Variants in ABI1 observed in about 807,000 individuals in gnomAD.
The protein encoded by ABI1 is Abelson interactor 1.
A neutral mutation model predicts 54.6 loss-of-function variants in ABI1; 14 were observed. The ratio of observed to expected loss-of-function variants is 0.26; its 90% CI spans 0.17 to 0.40. The LOEUF (loss-of-function observed/expected upper bound fraction) is 0.40, where lower values mean the gene tolerates loss of function less well. ABI1 is among the 10% of genes least tolerant of loss of function. The pLI is 1.00. For synonymous variants in ABI1, 194 were observed against 209.3 expected (o/e 0.93, Z 0.63); for missense variants, 443 against 598.3 (o/e 0.74, Z 2.71).
chr10:26,808,621 GCTGAGGCAGGAGAAT>G (rs2047024676), intron 2 of ABI1, among the ~76,000 whole-genome samples: 1 of 151,986 alleles, frequency 6.6e-6, no homozygotes, highest in Non-Finnish European at 1.5e-5. Flanking sequence ...TACTCAGGAG[GCTGAGGCAGGAGAAT>G]CGCTTGAACG....
At chr10:26,783,797 G>A (rs1353817684) in intron 2 of ABI1, among the ~76,000 whole-genome samples, 2 of 152,128 alleles carry the variant, frequency 1.3e-5, no homozygotes, top group Non-Finnish European at 2.9e-5. Flanking sequence ...AAATAATAAT[G>A]ACCACTTAGT....
At chr10:26,816,624 C>G (rs1219475176) in intron 2 of ABI1, among the ~76,000 whole-genome samples, 2 of 152,188 alleles carry the variant, frequency 1.3e-5, no homozygotes, top group Non-Finnish European at 2.9e-5. Context: ...ATTCAAACTA[C>G]TTTCTTAAGA....
chr10:26,832,304 C>T (rs529326308), intron 1 of ABI1, among the ~76,000 whole-genome samples: 142 of 152,176 alleles, frequency 9.3e-4, no homozygotes, highest in African/African-American at 2.9e-3. Flanking sequence ...GTATGTTGGC[C>T]GGGCGCAGTG....
chr10:26,841,527 G>A (rs1299882437), intron 1 of ABI1, among the ~76,000 whole-genome samples: 1 of 150,856 alleles, frequency 6.6e-6, no homozygotes, highest in Non-Finnish European at 1.5e-5. Context: ...TTACACATTA[G>A]ATCTCTAGGC....
Position 26,777,114 on chromosome 10 carries a change from C to T in ABI1, c.413G>A (p.Arg138Gln), listed in dbSNP as rs372110872. 6 of 1,613,442 alleles carry T rather than the reference C, an allele frequency of 3.7e-6. No individual in the cohort carries two copies. The highest frequency in any genetic ancestry group is 2.2e-5 in the South Asian group (2 of 90,912). ...ANMERPVRYI[R>Q]KPIDYTVLDD... ...CAGAACTGTGTAATCGATAGGTTTC[C>T]GAATATACCTTACAGGGCGCTCCAT... The change falls in exon 3 of 11, where the codon CGG becomes CAG. Residue 138 changes from arginine to glutamine, a missense_variant. Arg to Gln is a conservative substitution (Grantham distance 43). This residue lies in a region of ABI1 where 394 missense variants were observed against 484.8 expected (regional missense o/e 0.81). Transcript: ENST00000376140.
In ABI1 at chr10:26,751,796, A is replaced by G. The variant is rs377604542; in HGVS notation, c.1085-13T>C. 23 of 1,589,708 alleles carry G rather than the reference A, an allele frequency of 1.4e-5. No individual in the cohort carries two copies. Among genetic ancestry groups the G allele is most frequent in the East Asian group, 2.2e-5 (1 of 44,506 alleles). On this transcript the variant is annotated splice_polypyrimidine_tract_variant and intron_variant, in intron 9 of 10. Transcript: ENST00000376140. ...GGACTATCAGCAACTAAAAAGATTC[A>G]TATGATTGATTTGAATCAAAAATAA...
At chr10:26,795,218 A>G (rs1268784104) in intron 2 of ABI1, among the ~76,000 whole-genome samples, 2 of 152,150 alleles carry the variant, frequency 1.3e-5, no homozygotes, top group South Asian at 4.1e-4. Context: ...TAGAGATTAA[A>G]TATGCCAAAA....
chr10:26,821,444 A>G (rs1588981786), intron 2 of ABI1, among the ~76,000 whole-genome samples: 1 of 152,158 alleles, frequency 6.6e-6, no homozygotes, highest in East Asian at 1.9e-4. Context: ...AGATGACACC[A>G]ATTACCAATA....
At position 26,823,249 on chromosome 10, in the gene ABI1, T is replaced by C. The variant is rs148992222; in HGVS notation, c.174A>G (p.Leu58=). The C allele has an allele frequency of 1.1e-4, 178 of 1,604,028 alleles. No homozygotes were observed. In the Middle Eastern group the frequency reaches 4.0e-3, roughly 36 times the overall value. The change falls in exon 2 of 11, where the codon CTA becomes CTG. Residue 58 remains leucine, a synonymous_variant. Transcript: ENST00000376140. The stretch of plus-strand genomic sequence containing the variant: ...CATTTATTTGATAAGCAACACTAGC[T>C]AGAGATTGGGTTGTATAGGCTTTGG... The part of the protein sequence containing the change: ...EETKAYTTQS[L]ASVAYQINAL...
chr10:26,769,445 G>A (rs976138464), intron 5 of ABI1, among the ~76,000 whole-genome samples: 5 of 151,946 alleles, frequency 3.3e-5, no homozygotes, highest in African/African-American at 1.2e-4. Flanking sequence ...CTCAATAAAT[G>A]ATTTCGACTA....
rs181231538 is a variant in ABI1, at chr10:26,798,331, T to C, written c.286-21090A>G. On this transcript the variant is annotated intron_variant, in intron 2 of 10. Transcript: ENST00000376140. ...ATTGGGGGGGGTGAATCAAATGAAA[T>C]CACGAGGGTCCTTACAAGCCAAAGA... Among the ~76,000 whole-genome samples, 52 of 151,848 alleles carry C rather than the reference T, an allele frequency of 3.4e-4. No individual in the cohort carries two copies. In the East Asian group the frequency reaches 8.5e-3, roughly 25 times the overall value.
chr10:26,848,200 C>CAAAA (rs149066426), intron 1 of ABI1, among the ~76,000 whole-genome samples: 60 of 78,556 alleles, frequency 7.6e-4, no homozygotes, highest in African/African-American at 1.4e-3. Context: ...GACCCTGTCT[C>CAAAA]AAAAAAAAAA....
intron 3 of ABI1, among the ~76,000 whole-genome samples, chr10:26,773,157 A>G (rs947466785): frequency 4.1e-5 from 6 of 146,122 alleles, no homozygotes; most frequent in Non-Finnish European, 3.0e-5. Context: ...ATTCCTCCCT[A>G]TCTTCTAAGT....
intron 7 of ABI1, among the ~76,000 whole-genome samples, chr10:26,761,807 T>C (rs1588778108): frequency 6.6e-6 from 1 of 151,558 alleles, no homozygotes; most frequent in South Asian, 2.1e-4. Flanking sequence ...CATGTGGCTA[T>C]GCATATCAAT....
At chr10:26,783,465 T>A (rs11015283) in intron 2 of ABI1, among the ~76,000 whole-genome samples, 22,457 of 152,072 alleles carry the variant, frequency 0.15, 2,166 homozygotes, top group African/African-American at 0.28. Flanking sequence ...GCCACAATTT[T>A]AAAAAAAATT....
intron 1 of ABI1, among the ~76,000 whole-genome samples, chr10:26,840,673 A>G (rs1051127380): frequency 1.3e-5 from 2 of 152,222 alleles, no homozygotes; most frequent in Admixed American, 6.5e-5. Context: ...ACTGTAATCA[A>G]TTGAATTTTC....
Position 26,755,652 on chromosome 10 carries a change from T to C in ABI1, c.1084+3A>G. ...TTCCATAGCTCAGTTTTTCCAAACT[T>C]ACTGTTTTCCTGCACCCTGGCCACG... On this transcript the variant is annotated splice_donor_region_variant and intron_variant, in intron 9 of 10. Transcript: ENST00000376140. The C allele has an allele frequency of 6.2e-7, 1 of 1,610,246 alleles. No homozygotes were observed. Among genetic ancestry groups the C allele is most frequent in the Non-Finnish European group, 8.5e-7 (1 of 1,176,684 alleles).
chr10:26,802,387 A>G (rs970425699), intron 2 of ABI1, among the ~76,000 whole-genome samples: 3 of 152,206 alleles, frequency 2.0e-5, no homozygotes, highest in Non-Finnish European at 2.9e-5. Flanking sequence ...TCCTATCTAA[A>G]GTGGGTAGAG....
chr10:26,796,058 C>T (rs1326696883), intron 2 of ABI1, among the ~76,000 whole-genome samples: 1 of 152,036 alleles, frequency 6.6e-6, no homozygotes, highest in East Asian at 1.9e-4. Flanking sequence ...CACTGCACTC[C>T]AGCCTGGGTG....
Sources: gnomAD v4.1 joint callset for allele counts (sites outside exome capture counted in the v4.1 genomes callset) on GRCh38, gnomAD v4.1.1 for gene constraint, gnomAD v4.1.1 regional missense constraint, MANE v1.5 for transcripts, NCBI Gene and HGNC (gene_info 2026-07-23, HGNC 2026-07-21) for gene names.